Variants in BLK observed in about 807,000 individuals in gnomAD.
BLK encodes tyrosine-protein kinase Blk.
Under a neutral mutation model 61.8 loss-of-function variants are expected in BLK, and 64 were observed. The ratio of observed to expected loss-of-function variants is 1.03; its 90% CI spans 0.85 to 1.27. BLK has a LOEUF of 1.27. Ranked by LOEUF, BLK falls within the 50% of genes most tolerant of loss-of-function variation. BLK has a pLI of 0.00. For synonymous variants in BLK, 351 were observed against 272.0 expected, an observed-to-expected ratio of 1.29 and a Z score of -2.86; for missense variants, 853 against 660.5, an observed-to-expected ratio of 1.29 and a Z score of -3.19.
At chr8:11,530,678 G>T (rs56387409) in intron 1 of BLK, among the ~76,000 whole-genome samples, 102,977 of 151,872 alleles carry the variant, frequency 0.68, 35,479 homozygotes, top group East Asian at 1. Context: ...GTTGTAAATA[G>T]CTCAGTAGAA....
chr8:11,534,141 A>G (rs2248932), intron 1 of BLK, among the ~76,000 whole-genome samples: 89,781 of 152,108 alleles, frequency 0.59, 27,267 homozygotes, highest in Non-Finnish European at 0.65. Context: ...TGGTTAAAAT[A>G]CAAACTGAGG....
In BLK at chr8:11,556,399, G is replaced by A. The variant is rs1003267026; in HGVS notation, c.773-259G>A. 5.7e-6 allele frequency: 3 copies of A among 525,064 alleles called. No individual in the cohort carries two copies. In the African/African-American group the frequency reaches 5.7e-5, roughly 10 times the overall value. 32.5% of individuals were successfully genotyped at this position (525,064 alleles called of 1,614,324 possible). On this transcript the variant is annotated intron_variant, in intron 8 of 12. Transcript: ENST00000259089. ...ACACAGGTTCCGTGCAGGACAGAAG[G>A]ACACAGGCCCAGGGTGTGGGGCAAA... is the stretch of plus-strand genomic sequence containing the variant.
intron 1 of BLK, among the ~76,000 whole-genome samples, chr8:11,516,947 G>A (rs137878400): frequency 1.3e-5 from 2 of 152,346 alleles, no homozygotes; most frequent in East Asian, 3.9e-4. Flanking sequence ...CCCAGAACTG[G>A]CATTGCTGGA....
intron 1 of BLK, among the ~76,000 whole-genome samples, chr8:11,507,273 G>A (rs1016036486): frequency 6.6e-6 from 1 of 152,184 alleles, no homozygotes; most frequent in Non-Finnish European, 1.5e-5. Context: ...TTGGAAGGAC[G>A]ATGGACTAGG....
At chr8:11,529,393 C>T (rs1254685219) in intron 1 of BLK, among the ~76,000 whole-genome samples, 1 of 152,068 alleles carries the variant, frequency 6.6e-6, no homozygotes, top group Non-Finnish European at 1.5e-5. Flanking sequence ...GAGATGAAAT[C>T]ACAGGGAGTC....
chr8:11,500,728 G>A (rs1380069141), intron 1 of BLK, among the ~76,000 whole-genome samples: 2 of 151,686 alleles, frequency 1.3e-5, no homozygotes, highest in African/African-American at 4.8e-5. Flanking sequence ...GTCTAGGCTG[G>A]TCTCAACCTC....
chr8:11,550,360 C>A (rs996389688), intron 6 of BLK, 98 bp downstream of exon 6: 2 of 1,137,812 alleles, frequency 1.8e-6, no homozygotes, highest in Non-Finnish European at 2.6e-6. Context: ...GGGGTGACTG[C>A]CAGGAGAACC....
At chr8:11,518,780 C>A (rs937226540) in intron 1 of BLK, among the ~76,000 whole-genome samples, 1 of 152,200 alleles carries the variant, frequency 6.6e-6, no homozygotes, top group African/African-American at 2.4e-5. Context: ...CTGCCCTCCT[C>A]TCACCATCCC....
intron 1 of BLK, among the ~76,000 whole-genome samples, chr8:11,537,460 G>A (rs773147609): frequency 1.6e-4 from 24 of 152,152 alleles, no homozygotes; most frequent in Non-Finnish European, 7.3e-5. Flanking sequence ...CACATAACAT[G>A]GCAAGGCTTC....
chr8:11,561,824 C>CT (rs1223846331), intron 11 of BLK, among the ~76,000 whole-genome samples: 5 of 136,762 alleles, frequency 3.7e-5, no homozygotes, highest in African/African-American at 1.3e-4. Context: ...GCTCCAAATA[C>CT]TATTTTTTTT....
intron 1 of BLK, among the ~76,000 whole-genome samples, chr8:11,535,757 T>G (rs1800109436): frequency 6.6e-6 from 1 of 152,208 alleles, no homozygotes; most frequent in Non-Finnish European, 1.5e-5. Context: ...GGATGCAACA[T>G]GGAGCACAGA....
chr8:11,518,879 C>T (rs1425093310), intron 1 of BLK, among the ~76,000 whole-genome samples: 1 of 152,188 alleles, frequency 6.6e-6, no homozygotes, highest in East Asian at 1.9e-4. Flanking sequence ...CTCTGCTCTG[C>T]CCTCTGTGCT....
At chr8:11,519,452 A>C (rs1467805880) in intron 1 of BLK, among the ~76,000 whole-genome samples, 1 of 152,256 alleles carries the variant, frequency 6.6e-6, no homozygotes, top group Non-Finnish European at 1.5e-5. Context: ...AGATGAAGCT[A>C]TATACATACA....
chr8:11,555,752 C>T (rs943699818), intron 8 of BLK: 6 of 542,664 alleles, frequency 1.1e-5, no homozygotes, highest in South Asian at 1.9e-5. Context: ...TCGTTCTCTG[C>T]CTGAAGCTGG....
chr8:11,504,364 G>A (rs113572245), intron 1 of BLK, among the ~76,000 whole-genome samples: 273 of 30,398 alleles, frequency 9.0e-3, no homozygotes, highest in African/African-American at 0.035. Flanking sequence ...AGGAAGGAAG[G>A]AAGAAAGAAA....
chr8:11,556,204 C>A (rs113799810), intron 8 of BLK: 2 of 271,226 alleles, frequency 7.4e-6, no homozygotes, highest in Non-Finnish European at 1.4e-5. Flanking sequence ...TGTGGAGATA[C>A]AGATAGTTTA....
chr8:11,555,111 C>A (rs1349219676), intron 7 of BLK, among the ~76,000 whole-genome samples: 1 of 152,188 alleles, frequency 6.6e-6, no homozygotes, highest in Non-Finnish European at 1.5e-5. Context: ...CAAGCATTTT[C>A]AGTCTTAGAG....
chr8:11,557,905 G>T, intron 9 of BLK, 57 bp from the exon 10 acceptor site: 1 of 1,533,930 alleles, frequency 6.5e-7, no homozygotes, highest in South Asian at 1.1e-5. Context: ...AGAGAGGCTG[G>T]CACCACCAGG....
chr8:11,556,639 T>C lies in BLK; in HGVS notation c.773-19T>C. 3.1e-6 allele frequency: 5 copies of C among 1,614,036 alleles called. No homozygotes were observed. The highest frequency in any genetic ancestry group is 1.1e-5 in the South Asian group (1 of 91,066). On this transcript the variant is annotated intron_variant, in intron 8 of 12. Coordinates refer to ENST00000259089, the MANE Select transcript of BLK (RefSeq NM_001715.3). ...AGCTCTCTGTCTTCTGATTGGCTTC[T>C]TCACTCCCCCGGGCTCAGGTTACTA...
Sources: allele counts gnomAD v4.1 joint callset (sites outside exome capture counted in the v4.1 genomes callset), GRCh38; gene constraint gnomAD v4.1.1; transcripts MANE v1.5; gene names NCBI Gene and HGNC (gene_info 2026-07-23, HGNC 2026-07-21).